Variants in DOCK8 observed in about 807,000 individuals in gnomAD.
DOCK8 encodes dedicator of cytokinesis protein 8.
A neutral mutation model predicts 245.6 loss-of-function variants in DOCK8; 141 were observed. The ratio of observed to expected loss-of-function variants is 0.57; its 90% CI spans 0.50 to 0.66. The LOEUF (loss-of-function observed/expected upper bound fraction) is 0.66, where lower values mean the gene tolerates loss of function less well. DOCK8 is among the 30% of genes least tolerant of loss of function. DOCK8 has a pLI of 0.00. For synonymous variants in DOCK8, 1,168 were observed against 970.2 expected (o/e 1.20, Z -3.79); for missense variants, 2,965 against 2,603.4 (o/e 1.14, Z -3.02).
intron 12 of DOCK8, 24 bp downstream of exon 12, chr9:336,742 T>A (rs571050374): frequency 1.3e-5 from 21 of 1,613,746 alleles, no homozygotes; most frequent in Non-Finnish European, 1.7e-5. Flanking sequence ...TTACAGTGTG[T>A]CTGGATTTTT....
chr9:400,519 C>T (rs2054882089), intron 26 of DOCK8, among the ~76,000 whole-genome samples: 1 of 66,586 alleles, frequency 1.5e-5, no homozygotes, highest in Non-Finnish European at 2.7e-5. Flanking sequence ...CCACCACCAC[C>T]TCCACCATCA....
chr9:392,021 C>A (rs1168139565), intron 24 of DOCK8, among the ~76,000 whole-genome samples: 2 of 151,072 alleles, frequency 1.3e-5, no homozygotes, highest in African/African-American at 2.4e-5. Flanking sequence ...GCCTGTAATC[C>A]CATCTACTCA....
intron 15 of DOCK8, chr9:369,612 T>A (rs2053187036): frequency 6.5e-6 from 1 of 153,906 alleles, no homozygotes; most frequent in Non-Finnish European, 1.4e-5. Flanking sequence ...GATTTCTCAC[T>A]CAAGACAAAA....
chr9:270,635 G>A (rs1337630718), intron 1 of DOCK8, among the ~76,000 whole-genome samples: 3 of 152,124 alleles, frequency 2.0e-5, no homozygotes, highest in South Asian at 2.1e-4. Context: ...AACATAATAC[G>A]CTTCATTTGT....
intron 33 of DOCK8, among the ~76,000 whole-genome samples, chr9:424,929 A>G (rs2056424899): frequency 6.6e-6 from 1 of 152,202 alleles, no homozygotes; most frequent in South Asian, 2.1e-4. Flanking sequence ...GTGACTATCA[A>G]ATGCTTGAAA....
intron 19 of DOCK8, among the ~76,000 whole-genome samples, chr9:376,703 A>G (rs1167085856): frequency 6.6e-6 from 1 of 152,236 alleles, no homozygotes; most frequent in Admixed American, 6.5e-5. Flanking sequence ...TCTTGGCAGT[A>G]TGCTTACCTG....
chr9:376,261 G>A lies in DOCK8; in HGVS notation c.2161G>A (p.Val721Ile). 6.2e-7 allele frequency: 1 copy of A among 1,613,574 alleles called. No individual in the cohort carries two copies. The highest frequency in any genetic ancestry group is 1.1e-5 in the South Asian group (1 of 91,054). Residue 721 changes from valine (V) to isoleucine (I), a missense_variant, in exon 19 of 48, where the codon GTA becomes ATA. Val to Ile is a conservative substitution (Grantham distance 29, BLOSUM62 3). Around this residue, in one of 3 missense-constraint regions of DOCK8, gnomAD observed 2,825 missense variants for 2,453.5 expected, o/e 1.15. Transcript: ENST00000432829. ...PIKWAEGHKG[V>I]FNIEVQAVSS... ...TAAGTGGGCTGAAGGACATAAGGGAGTATTTAATATTGAAGTGCAAGCTGT... is the reference window on the plus strand; with the variant it reads ...TAAGTGGGCTGAAGGACATAAGGGAATATTTAATATTGAAGTGCAAGCTGT...
intron 1 of DOCK8, among the ~76,000 whole-genome samples, chr9:237,131 A>G (rs964449298): frequency 4.6e-5 from 7 of 152,228 alleles, no homozygotes; most frequent in Non-Finnish European, 1.0e-4. Flanking sequence ...CATTACCAAA[A>G]TGTTCCATAA....
At chr9:400,070 TCACCATCACCACCAC>T (rs1564011951) in intron 26 of DOCK8, among the ~76,000 whole-genome samples, 1 of 31,980 alleles carries the variant, frequency 3.1e-5, no homozygotes, top group Non-Finnish European at 5.6e-5. Context: ...TCCTTCACCA[TCACCATCACCACCAC>T]CTCCACCATC....
intron 18 of DOCK8, among the ~76,000 whole-genome samples, chr9:375,692 C>G (rs1181605022): frequency 2.0e-5 from 3 of 152,104 alleles, no homozygotes; most frequent in Non-Finnish European, 1.5e-5. Context: ...GTTGAGTCGT[C>G]TAAGTAAAAA....
At chr9:319,849 T>A (rs1563918657) in intron 7 of DOCK8, among the ~76,000 whole-genome samples, 1 of 152,250 alleles carries the variant, frequency 6.6e-6, no homozygotes, top group African/African-American at 2.4e-5. Flanking sequence ...AGAAATATTT[T>A]AAGATTTAAT....
intron 17 of DOCK8, 71 bp from the exon 18 acceptor site, chr9:372,114 C>A: frequency 1.5e-6 from 2 of 1,342,180 alleles, no homozygotes; most frequent in Non-Finnish European, 2.1e-6. Flanking sequence ...TTGATTATTG[C>A]GAGCTAGATA....
intron 29 of DOCK8, 49 bp downstream of exon 29, chr9:415,000 A>T (rs749855766): frequency 1.7e-5 from 28 of 1,606,840 alleles, no homozygotes; most frequent in Non-Finnish European, 2.0e-5. Flanking sequence ...GCCCCTGCCA[A>T]ATGCCCCATC....
Position 464,235 on chromosome 9 carries a change from T to A in DOCK8, c.*16T>A. 1 of 1,610,688 alleles carries A rather than the reference T, an allele frequency of 6.2e-7. No individual in the cohort carries two copies. The highest frequency in any genetic ancestry group is 2.2e-5 in the East Asian group (1 of 44,862). On this transcript the variant is annotated 3_prime_UTR_variant, in exon 48 of 48. Coordinates refer to ENST00000432829, the MANE Select transcript of DOCK8 (RefSeq NM_203447.4). ...GGGCAGCTAAGAAAAGCCATCTTCA[T>A]TCGTGGAGACTGTGGCCCTGCAACC...
chr9:244,113 G>A (rs1026069544), intron 1 of DOCK8, among the ~76,000 whole-genome samples: 2 of 150,954 alleles, frequency 1.3e-5, no homozygotes, highest in African/African-American at 2.4e-5. Flanking sequence ...GCGTGAACCC[G>A]GGAGGTGGAG....
chr9:299,791 G>T (rs785859), intron 4 of DOCK8, among the ~76,000 whole-genome samples: 77,896 of 151,302 alleles, frequency 0.51, 20,632 homozygotes, highest in East Asian at 0.76. Flanking sequence ...GGAGGCCGAG[G>T]CAGGCAGATC....
At chr9:280,776 C>G (rs1435529617) in intron 2 of DOCK8, 1 of 152,178 alleles carries the variant, frequency 6.6e-6, no homozygotes, top group Admixed American at 6.5e-5. Flanking sequence ...CTGCAGTCTC[C>G]CTTCTGTCCT....
chr9:289,947 T>TA (rs1201843738), intron 4 of DOCK8, among the ~76,000 whole-genome samples: 1 of 152,240 alleles, frequency 6.6e-6, no homozygotes, highest in Non-Finnish European at 1.5e-5. Context: ...TTCACTGCCC[T>TA]AAAAATCCTC....
chr9:454,941 G>T (rs893775193), intron 46 of DOCK8, among the ~76,000 whole-genome samples: 1 of 152,174 alleles, frequency 6.6e-6, no homozygotes, highest in Non-Finnish European at 1.5e-5. Context: ...TTTCCTAGGG[G>T]TCGCTCCTTT....
Sources: allele counts gnomAD v4.1 joint callset (sites outside exome capture counted in the v4.1 genomes callset), GRCh38; gene constraint gnomAD v4.1.1; regional missense constraint gnomAD v4.1.1; transcripts MANE v1.5; gene names NCBI Gene and HGNC (gene_info 2026-07-23, HGNC 2026-07-21).